CDH13: variants seen among roughly 807,000 people sequenced by gnomAD.
CDH13 encodes the protein cadherin 13.
CDH13 carries 24 observed loss-of-function variants against 63.8 expected under a neutral mutation model. The observed-to-expected ratio is 0.38, with a 90% CI of 0.27 to 0.53. The LOEUF (loss-of-function observed/expected upper bound fraction) is 0.53. CDH13 is among the 20% of genes least tolerant of loss of function. The pLI is 0.85. For synonymous variants in CDH13, 503 were observed against 355.3 expected, an observed-to-expected ratio of 1.42 and a Z score of -4.67; for missense variants, 1,049 against 903.1, an observed-to-expected ratio of 1.16 and a Z score of -2.07.
intron 5 of CDH13, among the ~76,000 whole-genome samples, chr16:83,237,169 A>G (rs1422511958): frequency 1.3e-5 from 2 of 152,184 alleles, no homozygotes; most frequent in Non-Finnish European, 2.9e-5. Context: ...AGCGGTGTTC[A>G]GTACACAAGA....
intron 6 of CDH13, among the ~76,000 whole-genome samples, chr16:83,456,733 G>A (rs189006891): frequency 2.0e-5 from 3 of 152,262 alleles, no homozygotes; most frequent in Admixed American, 6.5e-5. Flanking sequence ...AGGCCAAGGC[G>A]GGCAGATCAC....
intron 1 of CDH13, among the ~76,000 whole-genome samples, chr16:82,767,679 G>T (rs750462051): frequency 6.6e-6 from 1 of 152,146 alleles, no homozygotes; most frequent in Non-Finnish European, 1.5e-5. Context: ...TTCCTCTGGA[G>T]ATCAGCTCCA....
At chr16:83,138,191 G>T (rs1238706866) in intron 4 of CDH13, among the ~76,000 whole-genome samples, 2 of 152,112 alleles carry the variant, frequency 1.3e-5, no homozygotes, top group African/African-American at 2.4e-5. Context: ...TCTTGAGCAG[G>T]CATACACTCT....
intron 2 of CDH13, among the ~76,000 whole-genome samples, chr16:82,867,312 G>A (rs193180298): frequency 4.9e-4 from 74 of 152,232 alleles, no homozygotes; most frequent in Admixed American, 2.7e-3. Context: ...ATACATCAAG[G>A]AAATTTGCCG....
intron 4 of CDH13, among the ~76,000 whole-genome samples, chr16:83,133,005 G>T (rs1169611321): frequency 6.6e-6 from 1 of 152,128 alleles, no homozygotes; most frequent in Non-Finnish European, 1.5e-5. Context: ...ACACTCTAAG[G>T]CTGCACTGTC....
At chr16:83,749,917 A>G (rs1233731188) in intron 11 of CDH13, among the ~76,000 whole-genome samples, 1 of 152,196 alleles carries the variant, frequency 6.6e-6, no homozygotes, top group Non-Finnish European at 1.5e-5. Flanking sequence ...AAGGTAGGGC[A>G]TGCTAGTTCT....
intron 5 of CDH13, among the ~76,000 whole-genome samples, chr16:83,273,436 A>G (rs1198685191): frequency 6.6e-6 from 1 of 152,090 alleles, no homozygotes; most frequent in Non-Finnish European, 1.5e-5. Flanking sequence ...TCCCACTTAT[A>G]AGTGAGAACA....
intron 3 of CDH13, among the ~76,000 whole-genome samples, chr16:83,106,270 T>C (rs2034759102): frequency 6.6e-6 from 1 of 152,218 alleles, no homozygotes; most frequent in South Asian, 2.1e-4. Flanking sequence ...CCAGGCACCA[T>C]GGCTCATGCC....
chr16:83,565,212 C>G (rs1488409584), intron 7 of CDH13, among the ~76,000 whole-genome samples: 2 of 152,002 alleles, frequency 1.3e-5, no homozygotes, highest in South Asian at 2.1e-4. Flanking sequence ...GCTTACTTCT[C>G]GGTTTCTGGC....
intron 5 of CDH13, among the ~76,000 whole-genome samples, chr16:83,252,493 C>T (rs551257420): frequency 3.3e-5 from 5 of 152,096 alleles, no homozygotes; most frequent in East Asian, 1.9e-4. Flanking sequence ...TTTAGGAGCA[C>T]GCCTATTCTT....
chr16:82,987,635 C>A (rs955688109), intron 2 of CDH13, among the ~76,000 whole-genome samples: 2 of 152,168 alleles, frequency 1.3e-5, no homozygotes, highest in Non-Finnish European at 2.9e-5. Flanking sequence ...CTTTGGCCTC[C>A]CAAAGTGGTA....
At chr16:83,389,022 A>G (rs540919301) in intron 6 of CDH13, among the ~76,000 whole-genome samples, 1 of 152,306 alleles carries the variant, frequency 6.6e-6, no homozygotes, top group African/African-American at 2.4e-5. Context: ...AAAACCAGTC[A>G]GAGCCGACAG....
intron 1 of CDH13, among the ~76,000 whole-genome samples, chr16:82,637,147 C>A (rs967793027): frequency 8.5e-5 from 13 of 152,168 alleles, no homozygotes; most frequent in Non-Finnish European, 1.6e-4. Context: ...CTACAGCTGT[C>A]TAATTGGGCC....
At chr16:82,802,633 T>C (rs2036923343) in intron 1 of CDH13, among the ~76,000 whole-genome samples, 1 of 152,094 alleles carries the variant, frequency 6.6e-6, no homozygotes, top group South Asian at 2.1e-4. Flanking sequence ...CTATTCTTTG[T>C]CTCCAACCGC....
chr16:82,988,559 C>T (rs764649200), intron 2 of CDH13, among the ~76,000 whole-genome samples: 8 of 151,868 alleles, frequency 5.3e-5, no homozygotes, highest in Admixed American at 6.6e-5. Context: ...GTCAGGAGTT[C>T]GAGACCTGCC....
intron 5 of CDH13, among the ~76,000 whole-genome samples, chr16:83,240,692 ATGACT>A (rs1904343120): frequency 1.6e-5 from 2 of 121,370 alleles, no homozygotes; most frequent in Admixed American, 8.3e-5. Context: ...AAAAAAAAAC[ATGACT>A]TTAAATTTAC....
intron 2 of CDH13, among the ~76,000 whole-genome samples, chr16:82,913,592 G>A (rs1241447743): frequency 6.6e-6 from 1 of 152,148 alleles, no homozygotes; most frequent in Non-Finnish European, 1.5e-5. Flanking sequence ...GCCTAAGGTG[G>A]CTATACCACA....
At chr16:83,757,907 C>G (rs1223381427) in intron 11 of CDH13, among the ~76,000 whole-genome samples, 2 of 151,944 alleles carry the variant, frequency 1.3e-5, no homozygotes, top group Non-Finnish European at 2.9e-5. Context: ...GCAGGAAGAT[C>G]ACTTGAGGCC....
At chr16:82,911,963 A>G (rs1246365204) in intron 2 of CDH13, among the ~76,000 whole-genome samples, 3 of 151,602 alleles carry the variant, frequency 2.0e-5, no homozygotes, top group Non-Finnish European at 4.4e-5. Context: ...CCTCTCCTGA[A>G]CCTCATGTGC....
Sources: gnomAD v4.1 joint callset for allele counts (sites outside exome capture counted in the v4.1 genomes callset) on GRCh38, gnomAD v4.1.1 for gene constraint, MANE v1.5 for transcripts, NCBI Gene and HGNC (gene_info 2026-07-23, HGNC 2026-07-21) for gene names.